Variants in PRKCH observed in about 807,000 individuals in gnomAD.
PRKCH encodes protein kinase C eta type.
PRKCH carries 28 observed loss-of-function variants against 82.5 expected under a neutral mutation model. The ratio of observed to expected loss-of-function variants is 0.34; its 90% CI spans 0.25 to 0.47. The LOEUF is 0.47. Among genes scored for constraint, PRKCH ranks in the 20% least tolerant of loss-of-function variants. The probability of loss-of-function intolerance (pLI) is 1.00; values close to 1 mark genes in which losing one functional copy is unlikely to be tolerated. For synonymous variants in PRKCH, 322 were observed against 327.4 expected, an observed-to-expected ratio of 0.98 and a Z score of 0.18; for missense variants, 705 against 881.8, an observed-to-expected ratio of 0.80 and a Z score of 2.54.
At chr14:61,470,601 TG>T (rs1292747795) in intron 9 of PRKCH, among the ~76,000 whole-genome samples, 1 of 152,186 alleles carries the variant, frequency 6.6e-6, no homozygotes, top group East Asian at 1.9e-4. Flanking sequence ...AGGGAGTTCC[TG>T]TTTCCTTTCT....
chr14:61,373,938 G>A (rs2046396238), intron 1 of PRKCH, among the ~76,000 whole-genome samples: 1 of 152,094 alleles, frequency 6.6e-6, no homozygotes, highest in Non-Finnish European at 1.5e-5. Context: ...CAGCATTAAT[G>A]AGTCCGCAAT....
At chr14:61,476,142 G>T (rs1885718165) in intron 9 of PRKCH, among the ~76,000 whole-genome samples, 1 of 152,200 alleles carries the variant, frequency 6.6e-6, no homozygotes, top group Admixed American at 6.5e-5. Context: ...CTGTAAAATG[G>T]TTGGGTGAAA....
At position 61,188,616 on chromosome 14, in the gene PRKCH, GTGTGTGTGTGTGTGT is replaced by G. The variant is rs2044385732; in HGVS notation, c.-19+949_-19+963del. Among the ~76,000 whole-genome samples the G allele has an allele frequency of 9.8e-4, 34 of 34,578 alleles. 4 individuals are homozygous for G. The highest frequency in any genetic ancestry group is 2.4e-3 in the African/African-American group (28 of 11,806). The allele number at this position is 34,578 out of a possible 152,430, so 22.7% of individuals were successfully genotyped here. On this transcript the variant is annotated intron_variant, in intron 1 of 3. Transcript: ENST00000555185. Reference sequence around the variant, plus strand: ...GGGGGGTGGGGGGGTGGTGTGGTGTGTGTGTGTGTGTGTGTGTGTGTGTGTGTGTGTGTGTGTGTC... The same window carrying G: ...GGGGGGTGGGGGGGTGGTGTGGTGTGGTGTGTGTGTGTGTGTGTGTGTGTC...
At chr14:61,269,063 C>A (rs1460286926) in intron 1 of PRKCH, among the ~76,000 whole-genome samples, 2 of 152,180 alleles carry the variant, frequency 1.3e-5, no homozygotes, top group East Asian at 3.8e-4. Context: ...GCAGTCTTTT[C>A]CATTTTTTGT....
At chr14:61,295,995 G>A (rs1371945885) in intron 1 of PRKCH, among the ~76,000 whole-genome samples, 1 of 152,010 alleles carries the variant, frequency 6.6e-6, no homozygotes, top group Non-Finnish European at 1.5e-5. Context: ...GGTCGGCTAG[G>A]GATTGATATG....
At position 61,449,239 on chromosome 14, in the gene PRKCH, A is replaced by C. The variant is rs1397164186; in HGVS notation, c.689A>C (p.Lys230Thr). The change falls in exon 5 of 14, where the codon AAA becomes ACA. Residue 230 changes from lysine (K) to threonine (T), a missense_variant. Physicochemically the swap from Lys to Thr is moderately conservative, Grantham distance 78. This residue lies in a region of PRKCH where 246 missense variants were observed against 308.0 expected (regional missense o/e 0.80). Coordinates refer to ENST00000332981, the MANE Select transcript of PRKCH (RefSeq NM_006255.5). ...TGTACTTGCCAAAACAATATTAACA[A>C]AGTGGATTCAAAGGTAAGAGGATAG... Reference protein sequence around the residue: ...TACTCQNNINKVDSKIAEQRF... With the variant: ...TACTCQNNINTVDSKIAEQRF... The C allele has an allele frequency of 6.2e-7, 1 of 1,613,012 alleles. No homozygotes were observed. The highest frequency in any genetic ancestry group is 2.2e-5 in the East Asian group (1 of 44,856).
Position 61,278,648 on chromosome 14 carries a change from A to G in PRKCH, c.-19+90980A>G, listed in dbSNP as rs1437780097. ...AAATACCAAATAACTGTTTGTTTTT[A>G]CCAAATAAACTGGTAAGATGATATC... On this transcript the variant is annotated intron_variant, in intron 1 of 3. Coordinates refer to the PRKCH transcript ENST00000555185. 19 of 152,220 alleles carry G rather than the reference A, an allele frequency of 1.2e-4. 1 individual carries two copies. The allele number at this position is 152,220 out of a possible 1,614,324, so 9.4% of individuals were successfully genotyped here.
intron 9 of PRKCH, among the ~76,000 whole-genome samples, chr14:61,469,471 C>A (rs1208403816): frequency 2.6e-5 from 4 of 152,174 alleles, no homozygotes; most frequent in Non-Finnish European, 4.4e-5. Flanking sequence ...TAAGCAGCCC[C>A]TCGGGTGTGG....
At chr14:61,374,379 C>T (rs1295971740) in intron 1 of PRKCH, among the ~76,000 whole-genome samples, 1 of 152,166 alleles carries the variant, frequency 6.6e-6, no homozygotes, top group Non-Finnish European at 1.5e-5. Context: ...CTTCCCACAG[C>T]TCCACTAGGT....
intron 1 of PRKCH, among the ~76,000 whole-genome samples, chr14:61,365,408 G>C (rs1038562719): frequency 1.3e-5 from 2 of 152,048 alleles, no homozygotes; most frequent in African/African-American, 4.8e-5. Context: ...CATAATGTTT[G>C]CTATTCAGTT....
intron 9 of PRKCH, among the ~76,000 whole-genome samples, chr14:61,469,867 T>G (rs1885421143): frequency 6.6e-6 from 1 of 152,056 alleles, no homozygotes. Flanking sequence ...ACTGAGTGCT[T>G]GCAAGGCATA....
At chr14:61,436,564 ACT>A (rs2140268160) in intron 2 of PRKCH, among the ~76,000 whole-genome samples, 1 of 152,162 alleles carries the variant, frequency 6.6e-6, no homozygotes, top group East Asian at 1.9e-4. Context: ...GTGGAGTCTC[ACT>A]CTGTCGCCCA....
At chr14:61,420,645 C>G (rs187508279) in intron 2 of PRKCH, among the ~76,000 whole-genome samples, 17 of 151,960 alleles carry the variant, frequency 1.1e-4, no homozygotes, top group Non-Finnish European at 2.2e-4. Flanking sequence ...TGGGCACATA[C>G]AGCAGTGTTT....
chr14:61,319,340 C>T (rs1250963649), upstream of PRKCH, among the ~76,000 whole-genome samples: 3 of 152,144 alleles, frequency 2.0e-5, no homozygotes, highest in Non-Finnish European at 4.4e-5. Context: ...CCCTTGGCAC[C>T]GTGGGCTTTT....
At chr14:61,513,115 C>T (rs977687041) in intron 10 of PRKCH, among the ~76,000 whole-genome samples, 1 of 152,172 alleles carries the variant, frequency 6.6e-6, no homozygotes, top group South Asian at 2.1e-4. Flanking sequence ...AGATTTACCA[C>T]CAGATGCAGA....
chr14:61,537,743 C>A (rs1408799002), intron 12 of PRKCH: 2 of 152,188 alleles, frequency 1.3e-5, no homozygotes, highest in African/African-American at 4.8e-5. Flanking sequence ...TCCTGAGTCA[C>A]CTTTGTTGAC....
At chr14:61,257,010 C>T (rs900097255) in intron 1 of PRKCH, among the ~76,000 whole-genome samples, 1 of 152,140 alleles carries the variant, frequency 6.6e-6, no homozygotes, top group Non-Finnish European at 1.5e-5. Context: ...TAAAGTGCTT[C>T]CTCTGTGTAT....
In PRKCH at chr14:61,322,309, G is replaced by A. The variant is rs2045637026; in HGVS notation, c.208G>A (p.Glu70Lys). ...KQKTNKPTYN[E>K]EFCANVTDGG... is the part of the protein sequence containing the mutation. ...GAAGACCAACAAACCCACGTACAAC[G>A]AGGAGTTTTGCGCTAACGTCACCGA... Residue 70 changes from glutamate to lysine, a missense_variant, in exon 1 of 14, where the codon GAG becomes AAG. Transcript: ENST00000332981. 6.2e-7 allele frequency: 1 copy of A among 1,613,296 alleles called. No individual in the cohort carries two copies. Among genetic ancestry groups the A allele is most frequent in the Non-Finnish European group, 8.5e-7 (1 of 1,179,866 alleles).
intron 2 of PRKCH, among the ~76,000 whole-genome samples, chr14:61,394,467 A>G (rs186949054): frequency 7.9e-5 from 12 of 152,220 alleles, no homozygotes; most frequent in African/African-American, 2.9e-4. Flanking sequence ...GCTATGGTAG[A>G]AAGAAACACA....
Sources: allele counts gnomAD v4.1 joint callset (sites outside exome capture counted in the v4.1 genomes callset), GRCh38; gene constraint gnomAD v4.1.1; regional missense constraint gnomAD v4.1.1; transcripts MANE v1.5; gene names NCBI Gene and HGNC (gene_info 2026-07-23, HGNC 2026-07-21).